Variants in TM9SF3 observed in about 807,000 individuals in gnomAD.
TM9SF3 encodes transmembrane 9 superfamily member 3.
TM9SF3 carries 14 observed loss-of-function variants against 78.6 expected under a neutral mutation model. The observed-to-expected ratio is 0.18, with a 90% CI of 0.12 to 0.28. The LOEUF (loss-of-function observed/expected upper bound fraction) is 0.28, where lower values mean the gene tolerates loss of function less well. TM9SF3 is among the 10% of genes least tolerant of loss of function. The pLI, the probability that TM9SF3 is intolerant of heterozygous loss-of-function variation, is 1.00. For missense variants in TM9SF3, 496 were observed against 721.9 expected (o/e 0.69, Z 3.59); for synonymous variants, 231 against 241.7 (o/e 0.96, Z 0.41).
intron 6 of TM9SF3, among the ~76,000 whole-genome samples, 192 bp downstream of exon 6, chr10:96,552,736 A>G (rs1029846774): frequency 6.6e-6 from 1 of 152,170 alleles, no homozygotes; most frequent in African/African-American, 2.4e-5. Context: ...TCCTGAAAAA[A>G]AATTAATATT....
chr10:96,567,741 A>G (rs1335063810), intron 2 of TM9SF3, among the ~76,000 whole-genome samples: 3 of 152,190 alleles, frequency 2.0e-5, no homozygotes, highest in African/African-American at 7.2e-5. Flanking sequence ...CGCTTTGTCC[A>G]TAACTGATTA....
chr10:96,535,770 T>C (rs1589448579), intron 9 of TM9SF3, among the ~76,000 whole-genome samples: 2 of 152,108 alleles, frequency 1.3e-5, no homozygotes, highest in Admixed American at 6.5e-5. Flanking sequence ...GTACTGCCTA[T>C]TGGTGCTTAA....
chr10:96,522,305 A>G lies in TM9SF3; in HGVS notation c.1728T>C (p.Ser576=). The part of the protein sequence containing the change: ...MCGAIGYMGT[S]AFVRKIYTNV... The stretch of plus-strand genomic sequence containing the variant: ...TAGTATAGATTTTTCGGACAAAGGC[A>G]CTTGTTCCCATGTAACCAATCGCTC... Residue 576 remains serine, a synonymous_variant, in exon 15 of 15, where the codon AGT becomes AGC. Transcript: ENST00000371142. 1 of 1,585,492 alleles carries G rather than the reference A, an allele frequency of 6.3e-7. No individual in the cohort carries two copies. Among genetic ancestry groups the G allele is most frequent in the Non-Finnish European group, 8.5e-7 (1 of 1,170,252 alleles).
rs1847848972 is a variant in TM9SF3, at chr10:96,527,223, C to A, written c.1692G>T (p.Gly564=). ...AATTTCAAAACTTACCACACATTAT[C>A]CCCAAGGCTGTGCTAAATACCGCCA... The part of the protein sequence containing the change: ...GYMAVFSTAL[G]IMCGAIGYMG... The change falls in exon 14 of 15, where the codon GGG becomes GGT. Residue 564 remains glycine, a synonymous_variant. Coordinates refer to ENST00000371142, the MANE Select transcript of TM9SF3 (RefSeq NM_020123.4). The A allele has an allele frequency of 1.9e-6, 3 of 1,610,396 alleles. No individual in the cohort carries two copies. In the East Asian group the frequency reaches 6.7e-5, roughly 36 times the overall value.
intron 4 of TM9SF3, chr10:96,560,721 G>A: frequency 1.7e-6 from 1 of 576,300 alleles, no homozygotes; most frequent in Non-Finnish European, 3.3e-6. Flanking sequence ...AAAACCACCA[G>A]TGAAGAAATC....
intron 6 of TM9SF3, 87 bp downstream of exon 6, chr10:96,552,841 G>C: frequency 1.6e-6 from 2 of 1,256,972 alleles, no homozygotes; most frequent in Non-Finnish European, 1.0e-6. Context: ...AAGACTTCCG[G>C]TAAGAAATTA....
At chr10:96,553,102 G>C (rs756403782) in intron 5 of TM9SF3, 43 bp from the exon 6 acceptor site, 1 of 1,520,026 alleles carries the variant, frequency 6.6e-7, no homozygotes. Flanking sequence ...TGCAATATCA[G>C]CCACAAAATT....
At chr10:96,580,411 G>A (rs1848552149) in intron 1 of TM9SF3, among the ~76,000 whole-genome samples, 1 of 151,956 alleles carries the variant, frequency 6.6e-6, no homozygotes, top group African/African-American at 2.4e-5. Context: ...GACTACAGGC[G>A]CCCACCACCA....
rs1237440581 is a variant in TM9SF3, at chr10:96,521,126, G to A, written c.*1137C>T. The A allele has an allele frequency of 1.1e-5, 4 of 373,466 alleles. No homozygotes were observed. The Admixed American group carries it at 1.4e-4, about 13-fold the overall frequency. The allele number at this position is 373,466 out of a possible 1,614,324, so 23.1% of individuals were successfully genotyped here. ...TAGGAGTCTCAGAAAATAAACAGAA[G>A]AAAACAACCCCCCTCCCAAAAGAAG... is the stretch of plus-strand genomic sequence containing the variant. On this transcript the variant is annotated 3_prime_UTR_variant, in exon 15 of 15. Coordinates refer to ENST00000371142, the MANE Select transcript of TM9SF3 (RefSeq NM_020123.4).
rs1186646515 is a variant in TM9SF3, at chr10:96,519,231, CTAAA to C, written c.*3028_*3031del. ...AATGGATATGACTTGTGAATAAACC[CTAAA>C]TAAAGTGGCTTTTGGAAGAACTGGA... On this transcript the variant is annotated 3_prime_UTR_variant, in exon 15 of 15. Transcript: ENST00000371142. The C allele has an allele frequency of 2.6e-5, 4 of 152,086 alleles. No individual in the cohort carries two copies. The highest frequency in any genetic ancestry group is 2.6e-4 in the Admixed American group (4 of 15,272). 9.4% of individuals were successfully genotyped at this position (152,086 alleles called of 1,614,324 possible).
chr10:96,555,430 C>T (rs1848223701), intron 5 of TM9SF3, among the ~76,000 whole-genome samples: 1 of 152,210 alleles, frequency 6.6e-6, no homozygotes, highest in Admixed American at 6.5e-5. Context: ...CTCTTATCTA[C>T]ATATTCCGGT....
At chr10:96,557,883 T>C (rs149543935) in intron 5 of TM9SF3, among the ~76,000 whole-genome samples, 1 of 152,380 alleles carries the variant, frequency 6.6e-6, no homozygotes, top group East Asian at 1.9e-4. Context: ...TTTGACACAC[T>C]TCTCTTTGAA....
At chr10:96,554,331 A>G (rs1217393601) in intron 5 of TM9SF3, among the ~76,000 whole-genome samples, 1 of 152,178 alleles carries the variant, frequency 6.6e-6, no homozygotes. Context: ...CAAAGAAGAC[A>G]TGTTCCAGTT....
intron 1 of TM9SF3, among the ~76,000 whole-genome samples, chr10:96,580,742 A>G (rs1052193565): frequency 1.3e-5 from 2 of 152,212 alleles, no homozygotes; most frequent in Non-Finnish European, 2.9e-5. Context: ...TAATAATAAC[A>G]TCAGTAGCTA....
chr10:96,551,820 T>C (rs555902813), intron 6 of TM9SF3, among the ~76,000 whole-genome samples: 13 of 152,272 alleles, frequency 8.5e-5, no homozygotes, highest in African/African-American at 3.1e-4. Context: ...AAACCAGTAC[T>C]AGATCCCCTA....
At chr10:96,530,223 A>G (rs775152870) in intron 11 of TM9SF3, among the ~76,000 whole-genome samples, 4 of 152,246 alleles carry the variant, frequency 2.6e-5, no homozygotes, top group Admixed American at 1.3e-4. Context: ...TTAAAATACA[A>G]TAAAAACCAG....
chr10:96,566,806 G>A (rs557594253), intron 2 of TM9SF3, among the ~76,000 whole-genome samples: 2 of 152,296 alleles, frequency 1.3e-5, no homozygotes, highest in Non-Finnish European at 2.9e-5. Context: ...CTGACAGCAA[G>A]AGATCCCCAA....
chr10:96,532,992 A>G, intron 10 of TM9SF3, 59 bp downstream of exon 10: 1 of 1,586,460 alleles, frequency 6.3e-7, no homozygotes, highest in Non-Finnish European at 8.6e-7. Flanking sequence ...TGTACACAAC[A>G]GCCTTAAGAA....
chr10:96,583,584 T>C (rs1402621239), intron 1 of TM9SF3, among the ~76,000 whole-genome samples: 3 of 152,194 alleles, frequency 2.0e-5, no homozygotes, highest in Non-Finnish European at 4.4e-5. Flanking sequence ...CAACTCAGAA[T>C]GCCTAAGTTC....
Sources: gnomAD v4.1 joint callset for allele counts (sites outside exome capture counted in the v4.1 genomes callset) on GRCh38, gnomAD v4.1.1 for gene constraint, MANE v1.5 for transcripts, NCBI Gene and HGNC (gene_info 2026-07-23, HGNC 2026-07-21) for gene names.